ATRN: variants seen among roughly 807,000 people sequenced by gnomAD.
ATRN encodes attractin.
ATRN carries 54 observed loss-of-function variants against 178.7 expected under a neutral mutation model. That is an observed-to-expected ratio of 0.30 (90% confidence interval 0.24 to 0.38). The LOEUF (loss-of-function observed/expected upper bound fraction) is 0.38, where lower values mean the gene tolerates loss of function less well. Among genes scored for constraint, ATRN ranks in the 10% least tolerant of loss-of-function variants. The probability of loss-of-function intolerance (pLI) is 1.00; values close to 1 mark genes in which losing one functional copy is unlikely to be tolerated. For synonymous variants in ATRN, 636 were observed against 663.0 expected (o/e 0.96, Z 0.63); for missense variants, 1,443 against 1,815.1 (o/e 0.79, Z 3.73).
chr20:3,624,207 A>G (rs1320564851), intron 24 of ATRN, among the ~76,000 whole-genome samples: 2 of 152,172 alleles, frequency 1.3e-5, no homozygotes, highest in African/African-American at 4.8e-5. Flanking sequence ...AGGCGCAGGG[A>G]GGGAGCGCCA....
At chr20:3,555,843 A>G (rs1262354355) in intron 6 of ATRN, among the ~76,000 whole-genome samples, 2 of 152,234 alleles carry the variant, frequency 1.3e-5, no homozygotes, top group East Asian at 1.9e-4. Flanking sequence ...CAAATATTCT[A>G]TGATGAAAAA....
intron 1 of ATRN, chr20:3,491,116 A>G (rs2084786839): frequency 1.7e-6 from 1 of 592,774 alleles, no homozygotes; most frequent in Non-Finnish European, 3.0e-6. Context: ...TATTGATTCT[A>G]ATAATTATCT....
At chr20:3,479,124 C>T (rs1351100964) in intron 1 of ATRN, among the ~76,000 whole-genome samples, 1 of 152,026 alleles carries the variant, frequency 6.6e-6, no homozygotes, top group African/African-American at 2.4e-5. Context: ...CTCCTGTCCC[C>T]AAGAGATCAT....
chr20:3,524,454 G>A (rs972852758), intron 1 of ATRN, among the ~76,000 whole-genome samples: 2 of 152,020 alleles, frequency 1.3e-5, no homozygotes, highest in Non-Finnish European at 1.5e-5. Context: ...ACACTCCCAC[G>A]CAATAATAGT....
intron 25 of ATRN, among the ~76,000 whole-genome samples, chr20:3,631,078 AG>A (rs1410766513): frequency 6.6e-6 from 1 of 151,156 alleles, no homozygotes; most frequent in East Asian, 1.9e-4. Flanking sequence ...TCTCCCAAGT[AG>A]AGCTGGGACT....
At chr20:3,563,522 T>C (rs1258571409) in intron 10 of ATRN, among the ~76,000 whole-genome samples, 159 bp downstream of exon 10, 1 of 152,244 alleles carries the variant, frequency 6.6e-6, no homozygotes, top group South Asian at 2.1e-4. Context: ...ATGTTACACA[T>C]CTGGTAAAAA....
chr20:3,588,986 T>TTTTC (rs1315624034), intron 18 of ATRN, among the ~76,000 whole-genome samples: 1 of 134,084 alleles, frequency 7.5e-6, no homozygotes, highest in Non-Finnish European at 1.6e-5. Context: ...CTTTTGTTTT[T>TTTTC]TTTTTTTTTT....
At chr20:3,498,412 A>G (rs1250317741) in intron 1 of ATRN, among the ~76,000 whole-genome samples, 1 of 152,188 alleles carries the variant, frequency 6.6e-6, no homozygotes, top group African/African-American at 2.4e-5. Flanking sequence ...TCCTTGATAA[A>G]CATTGATGCA....
intron 1 of ATRN, among the ~76,000 whole-genome samples, chr20:3,526,907 T>C (rs539150532): frequency 6.6e-6 from 1 of 152,300 alleles, no homozygotes; most frequent in Non-Finnish European, 1.5e-5. Flanking sequence ...ACCCCTTCCT[T>C]ATACCTTATA....
rs1197930723 is a variant in ATRN at position 3,565,385 on chromosome 20, C to A, written c.1824C>A (p.Leu608=). The A allele has an allele frequency of 6.2e-7, 1 of 1,613,942 alleles. No homozygotes were observed. The highest frequency in any genetic ancestry group is 1.3e-5 in the African/African-American group (1 of 74,890). The change falls in exon 11 of 29, where the codon CTC becomes CTA. Residue 608 remains leucine (L), a synonymous_variant. Coordinates refer to ENST00000262919, the MANE Select transcript of ATRN (RefSeq NM_139321.3). ...DRWSVLPRPD[L]HHDVNRFGHS... ...GGTCAGTGCTTCCCAGACCTGATCT[C>A]CACCATGATGTCAACAGATTTGGCC...
At chr20:3,555,816 T>C (rs895380666) in intron 6 of ATRN, among the ~76,000 whole-genome samples, 2 of 152,148 alleles carry the variant, frequency 1.3e-5, no homozygotes, top group African/African-American at 4.8e-5. Flanking sequence ...ATGAAAGAAG[T>C]GGCATCGTAG....
chr20:3,552,551 A>G (rs144838005), intron 6 of ATRN, among the ~76,000 whole-genome samples: 1 of 152,220 alleles, frequency 6.6e-6, no homozygotes, highest in African/African-American at 2.4e-5. Context: ...ATCTCATGCT[A>G]CATAACAAAT....
chr20:3,538,508 G>T (rs1462377295), intron 2 of ATRN, among the ~76,000 whole-genome samples: 1 of 152,176 alleles, frequency 6.6e-6, no homozygotes, highest in East Asian at 1.9e-4. Context: ...GAGCTCTGCT[G>T]TGTCCTATCA....
At chr20:3,488,463 A>G (rs1263436247) in intron 1 of ATRN, among the ~76,000 whole-genome samples, 2 of 152,116 alleles carry the variant, frequency 1.3e-5, no homozygotes, top group African/African-American at 4.8e-5. Context: ...TGCATATCCA[A>G]TCCCATTTTT....
intron 1 of ATRN, chr20:3,491,145 G>T: frequency 1.9e-6 from 1 of 528,454 alleles, no homozygotes; most frequent in South Asian, 2.5e-5. Context: ...TTAGCTCTCT[G>T]GGGGAAAAAA....
intron 1 of ATRN, among the ~76,000 whole-genome samples, chr20:3,494,129 A>T (rs1382009126): frequency 6.6e-6 from 1 of 152,208 alleles, no homozygotes; most frequent in Non-Finnish European, 1.5e-5. Flanking sequence ...TCCAAGGGAC[A>T]TTTGAAGTGA....
chr20:3,525,596 A>G (rs1030608313), intron 1 of ATRN, among the ~76,000 whole-genome samples: 3 of 152,196 alleles, frequency 2.0e-5, no homozygotes, highest in Admixed American at 2.0e-4. Flanking sequence ...AGACACAACA[A>G]AAAAAGAAAA....
intron 1 of ATRN, among the ~76,000 whole-genome samples, chr20:3,473,164 C>G (rs1055299386): frequency 6.6e-6 from 1 of 152,190 alleles, no homozygotes; most frequent in African/African-American, 2.4e-5. Context: ...CAGGCACAGT[C>G]CTGCTCTTAC....
chr20:3,628,131 C>T (rs2086958650), intron 25 of ATRN, among the ~76,000 whole-genome samples: 1 of 152,160 alleles, frequency 6.6e-6, no homozygotes, highest in African/African-American at 2.4e-5. Context: ...GAGATCGCGC[C>T]ACTGCACTCC....
Sources: gnomAD v4.1 joint callset for allele counts (sites outside exome capture counted in the v4.1 genomes callset) on GRCh38, gnomAD v4.1.1 for gene constraint, MANE v1.5 for transcripts, NCBI Gene and HGNC (gene_info 2026-07-23, HGNC 2026-07-21) for gene names.